Variants in TELO2 observed in about 807,000 individuals in gnomAD.
TELO2 encodes telomere maintenance 2.
TELO2 carries 71 observed loss-of-function variants against 91.0 expected under a neutral mutation model. The observed-to-expected ratio is 0.78, with a 90% CI of 0.64 to 0.95. The LOEUF (loss-of-function observed/expected upper bound fraction) is 0.95, where lower values mean the gene tolerates loss of function less well. Ranked by LOEUF, TELO2 falls within the 40% of genes least tolerant of loss-of-function variation. TELO2 has a pLI of 0.00. For missense variants in TELO2, 1,183 were observed against 1,141.3 expected (o/e 1.04, Z -0.53); for synonymous variants, 584 against 518.9 (o/e 1.13, Z -1.71).
chr16:1,494,335 C>G lies in TELO2; in HGVS notation c.54C>G (p.Ala18=). 6.2e-7 allele frequency: 1 copy of G among 1,613,712 alleles called. No homozygotes were observed. Among genetic ancestry groups the G allele is most frequent in the Non-Finnish European group, 8.5e-7 (1 of 1,180,026 alleles). Residue 18 remains alanine (A), a synonymous_variant, in exon 2 of 21, where the codon GCC becomes GCG. Coordinates refer to ENST00000262319, the MANE Select transcript of TELO2 (RefSeq NM_016111.4). The surrounding 1 kb of genome is among the most constrained non-coding windows in gnomAD (Gnocchi z 5.6). The part of the protein sequence containing the change: ...VRLAVREAIH[A]LSSSEDGGHI... ...TCGCCGTCCGGGAAGCCATTCATGC[C>G]CTCTCGTCTTCGGAGGATGGCGGCC...
rs529384674 is a variant in TELO2, at chr16:1,509,611, C to T, written c.2408-219C>T. Among the ~76,000 whole-genome samples the T allele has an allele frequency of 4.8e-3, 729 of 152,360 alleles. 6 individuals are homozygous for T. The highest frequency in any genetic ancestry group is 8.2e-3 in the Admixed American group (126 of 15,308). On this transcript the variant is annotated intron_variant, in intron 20 of 20. Transcript: ENST00000262319. ...CCCTTTCCCATGGCTGCCTGTCCCG[C>T]GGCTCAGGGCAGCCCTCCATGTACA...
At chr16:1,496,485 A>G (rs1238431399) in intron 3 of TELO2, among the ~76,000 whole-genome samples, 1 of 152,200 alleles carries the variant, frequency 6.6e-6, no homozygotes, top group Non-Finnish European at 1.5e-5. Flanking sequence ...TCTCGGACAC[A>G]TGTGGAATGC....
In TELO2 at chr16:1,494,164, C is replaced by A; in HGVS notation, c.-36-82C>A. On this transcript the variant is annotated intron_variant, in intron 1 of 20. Coordinates refer to ENST00000262319, the MANE Select transcript of TELO2 (RefSeq NM_016111.4). This position sits in a 1 kb window ranked among gnomAD's most constrained non-coding sequence, Gnocchi z 5.6. ...GGACCAGGGTTGAGGGGTGTGGGGTCTCGGGGCGCTCACCGAGGGGCTTCC... is the reference window on the plus strand; with the variant it reads ...GGACCAGGGTTGAGGGGTGTGGGGTATCGGGGCGCTCACCGAGGGGCTTCC... The A allele has an allele frequency of 1.0e-6, 1 of 957,508 alleles. No individual in the cohort carries two copies. The highest frequency in any genetic ancestry group is 1.6e-6 in the Non-Finnish European group (1 of 643,194). 59.3% of individuals were successfully genotyped at this position (957,508 alleles called of 1,614,324 possible). A position where few individuals can be genotyped will look rare whatever the true frequency, so the allele number is the denominator to read the frequency against.
rs1391259204 is a variant in TELO2, at chr16:1,505,172, G to A, written c.1843-238G>A. On this transcript the variant is annotated intron_variant, in intron 15 of 20. Coordinates refer to ENST00000262319, the MANE Select transcript of TELO2 (RefSeq NM_016111.4). The surrounding 1 kb of genome is among the most constrained non-coding windows in gnomAD (Gnocchi z 4.3). ...GTGGCTTTAGGATGAGGCTGCGCTC[G>A]GCCCTGGGCGTGTTCTCATCTCCTG... is the stretch of plus-strand genomic sequence containing the variant. 9 of 516,260 alleles carry A rather than the reference G, an allele frequency of 1.7e-5. No individual in the cohort carries two copies. Among genetic ancestry groups the A allele is most frequent in the African/African-American group, 7.6e-5 (4 of 52,608 alleles). 32.0% of individuals were successfully genotyped at this position (516,260 alleles called of 1,614,324 possible). A position where few individuals can be genotyped will look rare whatever the true frequency, so the allele number is the denominator to read the frequency against.
At position 1,494,598 on chromosome 16, in the gene TELO2, CCA is replaced by C; in HGVS notation, c.318_319del (p.Ile107ArgfsTer172). The C allele has an allele frequency of 1.2e-6, 2 of 1,612,878 alleles. No individual in the cohort carries two copies. Among genetic ancestry groups the C allele is most frequent in the Non-Finnish European group, 1.7e-6 (2 of 1,179,544 alleles). On this transcript the variant is annotated frameshift_variant, in exon 2 of 21. Transcript: ENST00000262319. LOFTEE classifies it high-confidence loss of function. The surrounding 1 kb of genome is among the most constrained non-coding windows in gnomAD (Gnocchi z 5.6). Reference sequence around the variant, plus strand: ...CAAGCCTTCCTGGTGTTGATGGAGACCATCGAGGGTGCTGCGGGGTGAGTGGG... The same window carrying C: ...CAAGCCTTCCTGGTGTTGATGGAGACTCGAGGGTGCTGCGGGGTGAGTGGG...
intron 9 of TELO2, 138 bp from the exon 10 acceptor site, chr16:1,501,282 C>G: frequency 1.1e-6 from 1 of 873,772 alleles, no homozygotes; most frequent in East Asian, 2.7e-5. Flanking sequence ...TAAAAAGACA[C>G]CTGGCTATCC....
rs777830694 is a variant in TELO2, at chr16:1,502,948, C to T, written c.1788C>T (p.Thr596=). The change falls in exon 15 of 21, where the codon ACC becomes ACT. Residue 596 remains threonine (T), a synonymous_variant. Transcript: ENST00000262319. Reference sequence around the variant, plus strand: ...GTCCTCAGGTGGCCGACTATCTGACCTCACAGTTCTATGCCCTCAACTACA... The same window carrying T: ...GTCCTCAGGTGGCCGACTATCTGACTTCACAGTTCTATGCCCTCAACTACA... ...TDPAPVADYL[T]SQFYALNYSL... is the part of the protein sequence containing the mutation. 6.2e-7 allele frequency: 1 copy of T among 1,611,400 alleles called. No homozygotes were observed. Among genetic ancestry groups the T allele is most frequent in the South Asian group, 1.1e-5 (1 of 91,088 alleles).
chr16:1,509,848 C>T lies in TELO2; in HGVS notation c.2426C>T (p.Pro809Leu), dbSNP rs543509748. The change falls in exon 21 of 21, where the codon CCG becomes CTG. Residue 809 changes from proline to leucine, a missense_variant. Pro to Leu is a moderately conservative substitution (Grantham distance 98, BLOSUM62 -3). Coordinates refer to ENST00000262319, the MANE Select transcript of TELO2 (RefSeq NM_016111.4). ...CTGGCAGACGTGGCTGAGAAAGACC[C>T]GGACGAGGACTGCAGGACGCTGGCA... ...SWLADVAEKDPDEDCRTLALR... is the reference protein window; with the variant it reads ...SWLADVAEKDLDEDCRTLALR... The T allele has an allele frequency of 3.4e-5, 55 of 1,612,218 alleles. No individual in the cohort carries two copies. The highest frequency in any genetic ancestry group is 6.7e-5 in the Admixed American group (4 of 59,962).
intron 5 of TELO2, among the ~76,000 whole-genome samples, chr16:1,498,378 C>T (rs896473099): frequency 5.3e-5 from 8 of 152,160 alleles, no homozygotes; most frequent in African/African-American, 1.9e-4. Context: ...ATTCTTTTCT[C>T]TGTGAACTAT....
At chr16:1,500,799 G>T in intron 9 of TELO2, 100 bp downstream of exon 9, 1 of 1,509,416 alleles carries the variant, frequency 6.6e-7, no homozygotes, top group South Asian at 1.3e-5. Flanking sequence ...CCGGGGTCCA[G>T]ACTTGCGGAG....
At chr16:1,501,961 T>G in intron 11 of TELO2, 86 bp from the exon 12 acceptor site, 2 of 1,571,840 alleles carry the variant, frequency 1.3e-6, no homozygotes, top group Non-Finnish European at 1.7e-6. Flanking sequence ...CTCCGCATCT[T>G]GGGGAGGAGA....
Position 1,501,748 on chromosome 16 carries a change from G to T in TELO2, c.1447G>T (p.Ala483Ser). 6.2e-7 allele frequency: 1 copy of T among 1,610,676 alleles called. No individual in the cohort carries two copies. Residue 483 changes from alanine (A) to serine (S), a missense_variant, in exon 11 of 21, where the codon GCG (alanine) becomes TCG (serine). Ala to Ser is a moderately conservative substitution (Grantham distance 99). Coordinates refer to ENST00000262319, the MANE Select transcript of TELO2 (RefSeq NM_016111.4). ...VDGGVPQAQL[A>S]GSDSDLDSDD... The stretch of plus-strand genomic sequence containing the variant: ...TGGCGGCGTCCCCCAAGCACAGCTG[G>T]CGGGCTCTGACTCGGACCTGGACAG...
At position 1,497,460 on chromosome 16, in the gene TELO2, A is replaced by T. The variant is rs1297992507; in HGVS notation, c.782A>T (p.Asp261Val). 6.4e-7 allele frequency: 1 copy of T among 1,574,106 alleles called. No homozygotes were observed. The highest frequency in any genetic ancestry group is 2.4e-5 in the East Asian group (1 of 42,420). ...TGGCGCCTGGTGGAGCAAGTGCCGG[A>T]CCGGGCCATGGAGGCTGTGCTGACC... ...VCWRLVEQVP[D>V]RAMEAVLTGL... The change falls in exon 5 of 21, where the codon GAC (aspartate) becomes GTC (valine). Residue 261 changes from aspartate to valine, a missense_variant. Physicochemically the swap from Asp to Val is radical, Grantham distance 152 (BLOSUM62 -3). Transcript: ENST00000262319. The surrounding 1 kb of genome is among the most constrained non-coding windows in gnomAD (Gnocchi z 4.0).
intron 13 of TELO2, 46 bp downstream of exon 13, chr16:1,502,450 C>A: frequency 6.4e-7 from 1 of 1,553,684 alleles, no homozygotes. Context: ...GATGGTAGCT[C>A]CCTCAATGCC....
intron 9 of TELO2, 89 bp downstream of exon 9, chr16:1,500,788 C>T: frequency 1.3e-6 from 2 of 1,538,290 alleles, no homozygotes; most frequent in South Asian, 1.2e-5. Flanking sequence ...ACCGCCTCTT[C>T]CCGGGGTCCA....
At chr16:1,500,828 G>A (rs1180531601) in intron 9 of TELO2, 129 bp downstream of exon 9, 26 of 1,412,662 alleles carry the variant, frequency 1.8e-5, no homozygotes, top group East Asian at 1.5e-4. Context: ...TGGACTTCTC[G>A]CAGGGCTGAG....
intron 20 of TELO2, 133 bp downstream of exon 20, chr16:1,507,849 G>GGTGTGTGTGTGTGTGT: frequency 3.3e-6 from 1 of 304,552 alleles, no homozygotes; most frequent in Non-Finnish European, 5.7e-6. Flanking sequence ...GTTGGCCCGG[G>GGTGTGTGTGTGTGTGT]GTGTGTGTGT....
chr16:1,509,398 G>A (rs3829558), intron 20 of TELO2, among the ~76,000 whole-genome samples: 37,410 of 152,130 alleles, frequency 0.25, 5,331 homozygotes, highest in African/African-American at 0.39. Flanking sequence ...CCAGCACTGC[G>A]GGCAGCCAAG....
chr16:1,496,744 C>T (rs890613573), intron 3 of TELO2, among the ~76,000 whole-genome samples: 2 of 152,234 alleles, frequency 1.3e-5, no homozygotes, highest in Admixed American at 6.5e-5. Flanking sequence ...CGGGCCCTAT[C>T]GATGCTTTCT....
Sources: allele counts gnomAD v4.1 joint callset (sites outside exome capture counted in the v4.1 genomes callset), GRCh38; gene constraint gnomAD v4.1.1; non-coding constraint Gnocchi (gnomAD v3.1); transcripts MANE v1.5; gene names NCBI Gene and HGNC (gene_info 2026-07-23, HGNC 2026-07-21).